MADCAM1: variants seen among roughly 807,000 people sequenced by gnomAD.
MADCAM1 encodes mucosal addressin cell adhesion molecule 1.
A neutral mutation model predicts 26.1 loss-of-function variants in MADCAM1; 19 were observed. The observed-to-expected ratio is 0.73, with a 90% CI of 0.51 to 1.07. The LOEUF (loss-of-function observed/expected upper bound fraction) is 1.07. MADCAM1 is among the 50% of genes least tolerant of loss of function. The probability of loss-of-function intolerance (pLI) is 0.00; values close to 1 mark genes in which losing one functional copy is unlikely to be tolerated. For synonymous variants in MADCAM1, 268 were observed against 260.9 expected (o/e 1.03, Z -0.26); for missense variants, 514 against 542.1 (o/e 0.95, Z 0.51).
In MADCAM1 at chr19:498,563, G is replaced by T; in HGVS notation, c.405G>T (p.Thr135=). The change falls in exon 3 of 5, where the codon ACG becomes ACT. Residue 135 remains threonine (T), a synonymous_variant. Coordinates refer to ENST00000215637, the MANE Select transcript of MADCAM1 (RefSeq NM_130760.3). ...CTGGTGACCCGGAGGTGGCCTGTAC[G>T]GCCCACAAAGTCACGCCCGTGGACC... ...LVPGDPEVAC[T]AHKVTPVDPN... is the part of the protein sequence containing the mutation. 1 of 1,476,874 alleles carries T rather than the reference G, an allele frequency of 6.8e-7. No homozygotes were observed. Among genetic ancestry groups the T allele is most frequent in the South Asian group, 1.4e-5 (1 of 69,242 alleles). The allele number at this position is 1,476,874 out of a possible 1,614,324, so 91.5% of individuals were successfully genotyped here.
chr19:500,574 A>C (rs1176299252), intron 3 of MADCAM1, among the ~76,000 whole-genome samples: 2 of 152,068 alleles, frequency 1.3e-5, no homozygotes, highest in African/African-American at 4.8e-5. Context: ...TATTAAAAAT[A>C]CAAAAATTAG....
At chr19:503,286 CA>C (rs71333287) in intron 4 of MADCAM1, among the ~76,000 whole-genome samples, 17 of 141,192 alleles carry the variant, frequency 1.2e-4, no homozygotes, top group Non-Finnish European at 1.5e-4. Context: ...GACTCCATCT[CA>C]AAAAAAAAAA....
chr19:497,887 C>A lies in MADCAM1; in HGVS notation c.107C>A (p.Ala36Asp). The change falls in exon 2 of 5, where the codon GCC becomes GAC. Residue 36 changes from alanine to aspartate, a missense_variant. Ala to Asp is a moderately radical substitution (Grantham distance 126). This residue lies in a region of MADCAM1 where 317 missense variants were observed against 313.6 expected (regional missense o/e 1.01). Coordinates refer to ENST00000215637, the MANE Select transcript of MADCAM1 (RefSeq NM_130760.3). Reference protein sequence around the residue: ...LQVEPPEPVVAVALGASRQLT... With the variant: ...LQVEPPEPVVDVALGASRQLT... ...GTGGAGCCCCCGGAGCCGGTGGTGG[C>A]CGTGGCCTTGGGCGCCTCGCGCCAG... 1 of 1,358,652 alleles carries A rather than the reference C, an allele frequency of 7.4e-7. No individual in the cohort carries two copies. The highest frequency in any genetic ancestry group is 9.4e-7 in the Non-Finnish European group (1 of 1,063,148). 84.2% of individuals were successfully genotyped at this position (1,358,652 alleles called of 1,614,324 possible).
Position 505,339 on chromosome 19 carries a change from T to C in MADCAM1, c.*374T>C. ...GCTTTGGCAAATAAACCTCCTAAAATGATACAAACGTGTCAGTTTTCTCAG... is the reference window on the plus strand; with the variant it reads ...GCTTTGGCAAATAAACCTCCTAAAACGATACAAACGTGTCAGTTTTCTCAG... On this transcript the variant is annotated 3_prime_UTR_variant, in exon 5 of 5. Transcript: ENST00000215637. The C allele has an allele frequency of 5.2e-6, 1 of 191,380 alleles. No homozygotes were observed. Among genetic ancestry groups the C allele is most frequent in the Non-Finnish European group, 1.1e-5 (1 of 93,538 alleles). 11.9% of individuals were successfully genotyped at this position (191,380 alleles called of 1,614,324 possible).
At chr19:499,381 C>T (rs1978305978) in intron 3 of MADCAM1, 1 of 456,180 alleles carries the variant, frequency 2.2e-6, no homozygotes, top group Non-Finnish European at 4.4e-6. Flanking sequence ...TGATCCCCAA[C>T]GTGTACAAAC....
In MADCAM1 at chr19:501,818, G is replaced by GC. The variant is rs1555716251; in HGVS notation, c.823dup (p.Gln275ProfsTer20). 4.9e-6 allele frequency: 6 copies of GC among 1,222,852 alleles called. No individual in the cohort carries two copies. The highest frequency in any genetic ancestry group is 6.2e-6 in the Non-Finnish European group (6 of 967,292). The allele number at this position is 1,222,852 out of a possible 1,614,324, so 75.8% of individuals were successfully genotyped here. A position where few individuals can be genotyped will look rare whatever the true frequency, so the allele number is the denominator to read the frequency against. Reference sequence around the variant, plus strand: ...TCCCGACAAGACCTCCCCGGAGCCCGCCCCCCAGCAGGGCTCCACACACAC... The same window carrying GC: ...TCCCGACAAGACCTCCCCGGAGCCCGCCCCCCCAGCAGGGCTCCACACACAC... On this transcript the variant is annotated frameshift_variant, in exon 4 of 5. Coordinates refer to ENST00000215637, the MANE Select transcript of MADCAM1 (RefSeq NM_130760.3). LOFTEE classifies it high-confidence loss of function.
In MADCAM1 at chr19:498,720, C is replaced by G; in HGVS notation, c.562C>G (p.Arg188Gly). ...GGACGTGCTGTTCAGGGTGACAGAG[C>G]GCTGGCGGCTGCCGCCCCTGGGGAC... ...DEDVLFRVTE[R>G]WRLPPLGTPV... The change falls in exon 3 of 5, where the codon CGC becomes GGC. Residue 188 changes from arginine (R) to glycine (G), a missense_variant. This residue lies in a region of MADCAM1 where 317 missense variants were observed against 313.6 expected (regional missense o/e 1.01). Transcript: ENST00000215637. 1 of 1,457,580 alleles carries G rather than the reference C, an allele frequency of 6.9e-7. No homozygotes were observed. The highest frequency in any genetic ancestry group is 9.0e-7 in the Non-Finnish European group (1 of 1,109,972). 90.3% of individuals were successfully genotyped at this position (1,457,580 alleles called of 1,614,324 possible).
In MADCAM1 at chr19:501,927, G is replaced by A; in HGVS notation, c.926G>A (p.Gly309Asp). The A allele has an allele frequency of 6.6e-7, 1 of 1,516,700 alleles. No individual in the cohort carries two copies. The highest frequency in any genetic ancestry group is 8.8e-7 in the Non-Finnish European group (1 of 1,133,914). 94.0% of individuals were successfully genotyped at this position (1,516,700 alleles called of 1,614,324 possible). The change falls in exon 4 of 5, where the codon GGC (glycine) becomes GAC (aspartate). Residue 309 changes from glycine to aspartate, a missense_variant and splice_region_variant. Gly to Asp is a moderately conservative substitution (Grantham distance 94). This residue lies in a region of MADCAM1 where 152 missense variants were observed against 136.7 expected (regional missense o/e 1.11). Coordinates refer to ENST00000215637, the MANE Select transcript of MADCAM1 (RefSeq NM_130760.3). ...ACGCAGGGAGAAGTGATCCCAACAG[G>A]CTGTGAGTTCTGGTCCCTGGGGGCA... Reference protein sequence around the residue: ...GPTQGEVIPTGSSKPAGDQLP... With the variant: ...GPTQGEVIPTDSSKPAGDQLP...
intron 3 of MADCAM1, chr19:499,096 C>A (rs1460548387): frequency 1.5e-6 from 1 of 660,398 alleles, no homozygotes; most frequent in South Asian, 1.5e-5. Flanking sequence ...CCCACAGGAA[C>A]CTGCACGACC....
chr19:500,272 G>A (rs185576273), intron 3 of MADCAM1: 8 of 430,180 alleles, frequency 1.9e-5, no homozygotes, highest in Admixed American at 1.8e-4. Context: ...GGCACGTGGA[G>A]ATTAAGGAGG....
At chr19:503,824 G>A (rs1481606761) in intron 4 of MADCAM1, among the ~76,000 whole-genome samples, 2 of 152,134 alleles carry the variant, frequency 1.3e-5, no homozygotes, top group East Asian at 1.9e-4. Context: ...CAAGGAGGAG[G>A]ATCACCTGAG....
rs1316731414 is a variant in MADCAM1 at position 505,213 on chromosome 19, C to T, written c.*248C>T. The stretch of plus-strand genomic sequence containing the variant: ...CCACCTTTCTGGACGGAACCACGTA[C>T]TTTTTACATACATTGATTCATGTCT... On this transcript the variant is annotated 3_prime_UTR_variant, in exon 5 of 5. Coordinates refer to ENST00000215637, the MANE Select transcript of MADCAM1 (RefSeq NM_130760.3). 5 of 428,410 alleles carry T rather than the reference C, an allele frequency of 1.2e-5. No homozygotes were observed. The highest frequency in any genetic ancestry group is 6.5e-5 in the South Asian group (1 of 15,346). The allele number at this position is 428,410 out of a possible 1,614,324, so 26.5% of individuals were successfully genotyped here.
intron 3 of MADCAM1, among the ~76,000 whole-genome samples, chr19:499,515 C>T (rs773092679): frequency 2.0e-5 from 3 of 152,228 alleles, no homozygotes; most frequent in Admixed American, 6.5e-5. Context: ...CACACCCACA[C>T]GCGTGTACAA....
Position 498,520 on chromosome 19 carries a change from C to T in MADCAM1, c.362C>T (p.Ser121Phe), listed in dbSNP as rs756563113. 6 of 1,468,814 alleles carry T rather than the reference C, an allele frequency of 4.1e-6. No individual in the cohort carries two copies. Among genetic ancestry groups the T allele is most frequent in the Non-Finnish European group, 5.4e-6 (6 of 1,115,458 alleles). The allele number at this position is 1,468,814 out of a possible 1,614,324, so 91.0% of individuals were successfully genotyped here. A position where few individuals can be genotyped will look rare whatever the true frequency, so the allele number is the denominator to read the frequency against. Residue 121 changes from serine (S) to phenylalanine (F), a missense_variant, in exon 3 of 5, where the codon TCC (serine) becomes TTC (phenylalanine). Physicochemically the swap from Ser to Phe is radical, Grantham distance 155 (BLOSUM62 -2). This residue lies in a region of MADCAM1 where 317 missense variants were observed against 313.6 expected (regional missense o/e 1.01). Transcript: ENST00000215637. ...GCCTTCCCGGACCAGCTGACCGTCTCCCCAGCAGCCCTGGTGCCTGGTGAC... is the reference window on the plus strand; with the variant it reads ...GCCTTCCCGGACCAGCTGACCGTCTTCCCAGCAGCCCTGGTGCCTGGTGAC... ...VYAFPDQLTV[S>F]PAALVPGDPE...
intron 1 of MADCAM1, 42 bp from the exon 2 acceptor site, chr19:497,791 C>A: frequency 8.0e-7 from 1 of 1,250,420 alleles, no homozygotes; most frequent in South Asian, 3.1e-5. Context: ...GGGGCGGGGT[C>A]CGGGACTCCG....
intron 3 of MADCAM1, among the ~76,000 whole-genome samples, chr19:500,826 C>T (rs1183050726): frequency 2.0e-5 from 3 of 151,700 alleles, no homozygotes; most frequent in Admixed American, 6.6e-5. Context: ...GCCGAGATCG[C>T]ACCATTGCAC....
At chr19:499,718 A>G in intron 3 of MADCAM1, 1 of 434,824 alleles carries the variant, frequency 2.3e-6, no homozygotes. Flanking sequence ...TGTCCACAGA[A>G]GCTAGAACAG....
Position 505,055 on chromosome 19 carries a change from CAA to C in MADCAM1, c.*92_*93del. The stretch of plus-strand genomic sequence containing the variant: ...GGGCAAACCTGCCTCCCATTCTACT[CAA>C]AGTCATCCCTCTGTTCACAGAGATG... On this transcript the variant is annotated 3_prime_UTR_variant, in exon 5 of 5. Transcript: ENST00000215637. 1.1e-6 allele frequency: 1 copy of C among 913,404 alleles called. No individual in the cohort carries two copies. The highest frequency in any genetic ancestry group is 1.6e-6 in the Non-Finnish European group (1 of 618,948). 56.6% of individuals were successfully genotyped at this position (913,404 alleles called of 1,614,324 possible).
rs374689202 is a variant in MADCAM1 at position 504,775 on chromosome 19, C to G, written c.959C>G (p.Ala320Gly). Residue 320 changes from alanine to glycine, a missense_variant, in exon 5 of 5, where the codon GCG (alanine) becomes GGG (glycine). Coordinates refer to ENST00000215637, the MANE Select transcript of MADCAM1 (RefSeq NM_130760.3). ...SSKPAGDQLP[A>G]ALWTSSAVLG... ...AAACCTGCGGGTGACCAGCTGCCCG[C>G]GGCTCTGTGGACCAGCAGTGCGGTG... 6 of 1,608,752 alleles carry G rather than the reference C, an allele frequency of 3.7e-6. No homozygotes were observed. Among genetic ancestry groups the G allele is most frequent in the Non-Finnish European group, 5.1e-6 (6 of 1,176,524 alleles).
Sources: gnomAD v4.1 joint callset for allele counts (sites outside exome capture counted in the v4.1 genomes callset) on GRCh38, gnomAD v4.1.1 for gene constraint, gnomAD v4.1.1 regional missense constraint, MANE v1.5 for transcripts, NCBI Gene and HGNC (gene_info 2026-07-23, HGNC 2026-07-21) for gene names.